Variants in STRBP observed in about 807,000 individuals in gnomAD.
STRBP encodes spermatid perinuclear RNA binding protein.
STRBP carries 13 observed loss-of-function variants against 80.1 expected under a neutral mutation model. The ratio of observed to expected loss-of-function variants is 0.16; its 90% confidence interval spans 0.11 to 0.26. STRBP has a LOEUF of 0.26. Among genes scored for constraint, STRBP ranks in the 10% least tolerant of loss-of-function variants. The probability of loss-of-function intolerance (pLI) is 1.00; values close to 1 mark genes in which losing one functional copy is unlikely to be tolerated. For missense variants in STRBP, 485 were observed against 815.2 expected (o/e 0.59, Z 4.93); for synonymous variants, 284 against 291.2 (o/e 0.98, Z 0.25).
At chr9:123,125,752 C>T in intron 18 of STRBP, 79 bp from the exon 19 acceptor site, 4 of 1,132,174 alleles carry the variant, frequency 3.5e-6, no homozygotes, top group Non-Finnish European at 5.2e-6. Context: ...AAATATCTGA[C>T]AGTAATTATC....
intron 2 of STRBP, among the ~76,000 whole-genome samples, chr9:123,116,488 C>T (rs1485505489): frequency 6.6e-6 from 1 of 152,176 alleles, no homozygotes; most frequent in Non-Finnish European, 1.5e-5. Context: ...GGCTGCCTGG[C>T]CCAGGGCTGA....
chr9:123,190,285 GA>G (rs1231552691), intron 2 of STRBP, among the ~76,000 whole-genome samples: 2,850 of 81,688 alleles, frequency 0.035, 45 homozygotes, highest in Non-Finnish European at 0.058. Context: ...ATCTCAGAAA[GA>G]AAAAAAAAAA....
In STRBP at chr9:123,214,975, T is replaced by C. The variant is rs184546747; in HGVS notation, c.-165+21855A>G. On this transcript the variant is annotated intron_variant, in intron 2 of 18. Transcript: ENST00000348403. ...TCCTCTTGTTAATAATCACTTGGTA[T>C]GGATAGTGAGTCCACTGTTCCTGGG... Among the ~76,000 whole-genome samples the C allele has an allele frequency of 1.9e-3, 294 of 152,340 alleles. 1 individual carries two copies. Among genetic ancestry groups the C allele is most frequent in the Non-Finnish European group, 3.6e-3 (246 of 68,024 alleles).
At chr9:123,165,464 T>C (rs1023280279) in intron 6 of STRBP, among the ~76,000 whole-genome samples, 6 of 151,944 alleles carry the variant, frequency 3.9e-5, no homozygotes, top group African/African-American at 1.5e-4. Flanking sequence ...CTGGCACCAA[T>C]ATGAAGGGAC....
intron 2 of STRBP, among the ~76,000 whole-genome samples, chr9:123,216,689 A>G (rs2039908934): frequency 6.6e-6 from 1 of 152,232 alleles, no homozygotes. Context: ...ATAAATAGCA[A>G]ACACTGCTAC....
At chr9:123,111,468 T>A in intron 3 of STRBP, 1 of 329,856 alleles carries the variant, frequency 3.0e-6, no homozygotes, top group Non-Finnish European at 6.3e-6. Context: ...TAGGTTAGAG[T>A]CAAGCAACTT....
At chr9:123,233,173 A>G (rs1473175377) in intron 2 of STRBP, among the ~76,000 whole-genome samples, 1 of 152,190 alleles carries the variant, frequency 6.6e-6, no homozygotes, top group Non-Finnish European at 1.5e-5. Flanking sequence ...TCCTGGGCTC[A>G]AGTGATCCTC....
chr9:123,146,778 AATTT>A, intron 13 of STRBP, 73 bp downstream of exon 13: 14 of 1,240,508 alleles, frequency 1.1e-5, no homozygotes, highest in East Asian at 7.7e-5. Flanking sequence ...TAAAAATGAT[AATTT>A]ATTATAGGAA....
At chr9:123,200,734 A>ATTTTTTTTTTT (rs71390418) in intron 2 of STRBP, among the ~76,000 whole-genome samples, 6,100 of 37,510 alleles carry the variant, frequency 0.16, 2,781 homozygotes, top group Middle Eastern at 0.29. Context: ...CACCCCGCTA[A>ATTTTTTTTTTT]TTTTTTTTTT....
chr9:123,230,833 T>A (rs551871813), intron 2 of STRBP, among the ~76,000 whole-genome samples: 2 of 152,232 alleles, frequency 1.3e-5, no homozygotes, highest in Non-Finnish European at 2.9e-5. Flanking sequence ...AGAACACATG[T>A]GCATCATTAT....
chr9:123,130,129 C>T (rs115285629), intron 17 of STRBP, among the ~76,000 whole-genome samples: 387 of 152,276 alleles, frequency 2.5e-3, no homozygotes, highest in African/African-American at 8.2e-3. Flanking sequence ...TCTAACTTCA[C>T]CTTTTCCTAG....
At chr9:123,174,341 GGA>G (rs2038130019) in intron 4 of STRBP, among the ~76,000 whole-genome samples, 1 of 152,196 alleles carries the variant, frequency 6.6e-6, no homozygotes, top group Non-Finnish European at 1.5e-5. Context: ...AAGAAGCAAT[GGA>G]GAGAGGATTG....
At chr9:123,197,528 A>G (rs1419927196) in intron 2 of STRBP, among the ~76,000 whole-genome samples, 1 of 151,966 alleles carries the variant, frequency 6.6e-6, no homozygotes, top group African/African-American at 2.4e-5. Context: ...GAGTCTCTAA[A>G]ATTCATTATA....
chr9:123,266,025 C>T (rs552729959), intron 1 of STRBP, among the ~76,000 whole-genome samples: 1 of 152,298 alleles, frequency 6.6e-6, no homozygotes, highest in Non-Finnish European at 1.5e-5. Flanking sequence ...CAGAAAGCAC[C>T]AGGGTATCTG....
chr9:123,135,533 A>G (rs549022602), intron 16 of STRBP, among the ~76,000 whole-genome samples: 38 of 152,230 alleles, frequency 2.5e-4, no homozygotes, highest in Non-Finnish European at 4.7e-4. Flanking sequence ...GACATTCAGT[A>G]GCACTGACAT....
At chr9:123,210,123 A>G (rs2039657369) in intron 2 of STRBP, among the ~76,000 whole-genome samples, 2 of 152,216 alleles carry the variant, frequency 1.3e-5, no homozygotes, top group Non-Finnish European at 2.9e-5. Context: ...CATTTTCTTA[A>G]ACTATCTTCT....
At position 123,123,160 on chromosome 9, in the gene STRBP, T is replaced by C. The variant is rs1337803891; in HGVS notation, c.*2437A>G. 1 of 985,310 alleles carries C rather than the reference T, an allele frequency of 1.0e-6. No homozygotes were observed. Among genetic ancestry groups the C allele is most frequent in the Non-Finnish European group, 1.2e-6 (1 of 829,922 alleles). 61.0% of individuals were successfully genotyped at this position (985,310 alleles called of 1,614,324 possible). A position where few individuals can be genotyped will look rare whatever the true frequency, so the allele number is the denominator to read the frequency against. On this transcript the variant is annotated 3_prime_UTR_variant, in exon 19 of 19. Coordinates refer to ENST00000348403, the MANE Select transcript of STRBP (RefSeq NM_018387.5). ...AAATCTTGAGGGCCCAAGTGAATAA[T>C]AAATGGTGCGACGCTCAGAGGCTGG... is the stretch of plus-strand genomic sequence containing the variant.
intron 16 of STRBP, among the ~76,000 whole-genome samples, chr9:123,135,050 T>A (rs1331144786): frequency 6.6e-6 from 1 of 152,198 alleles, no homozygotes; most frequent in African/African-American, 2.4e-5. Flanking sequence ...TTGAGATGGA[T>A]ACAATATGCA....
chr9:123,117,121 C>T (rs1008953135), downstream of STRBP, among the ~76,000 whole-genome samples: 1 of 152,088 alleles, frequency 6.6e-6, no homozygotes, highest in African/African-American at 2.4e-5. Context: ...CATGAAATGG[C>T]AAACGGGAAA....
Sources: gnomAD v4.1 joint callset for allele counts (sites outside exome capture counted in the v4.1 genomes callset) on GRCh38, gnomAD v4.1.1 for gene constraint, MANE v1.5 for transcripts, NCBI Gene and HGNC (gene_info 2026-07-23, HGNC 2026-07-21) for gene names.